The following KCND3 variants were observed in gnomAD, a reference collection of about 807,000 sequenced individuals.
KCND3 encodes the protein A-type voltage-gated potassium channel KCND3.
A neutral mutation model predicts 51.1 loss-of-function variants in KCND3; 9 were observed. The observed-to-expected ratio is 0.18, with a 90% CI of 0.11 to 0.31. KCND3 has a LOEUF of 0.31. Ranked by LOEUF, KCND3 falls within the 10% of genes least tolerant of loss-of-function variation. The pLI, the probability that KCND3 is intolerant of heterozygous loss-of-function variation, is 1.00. For missense variants in KCND3, 526 were observed against 903.8 expected, an observed-to-expected ratio of 0.58 and a Z score of 5.36; for synonymous variants, 349 against 368.0, an observed-to-expected ratio of 0.95 and a Z score of 0.59.
At chr1:111,831,543 T>G (rs1486353769) in intron 2 of KCND3, among the ~76,000 whole-genome samples, 5 of 152,228 alleles carry the variant, frequency 3.3e-5, no homozygotes, top group African/African-American at 1.2e-4. Context: ...CTCTTTTCTT[T>G]ATAAATTACC....
intron 2 of KCND3, among the ~76,000 whole-genome samples, chr1:111,967,178 A>G (rs1012427018): frequency 2.0e-5 from 3 of 151,466 alleles, no homozygotes; most frequent in African/African-American, 7.3e-5. Context: ...AAAACAAAAC[A>G]AAAACGGGGT....
chr1:111,816,278 C>T lies in KCND3; in HGVS notation c.1107-29172G>A, dbSNP rs565514430. On this transcript the variant is annotated intron_variant, in intron 2 of 7. Transcript: ENST00000302127. The stretch of plus-strand genomic sequence containing the variant: ...AGGCCTGGCCACATCTCTCCAGGAG[C>T]TGGAAATGTCAGACTTCAAAGGGTC... Among the ~76,000 whole-genome samples, 3 of 152,374 alleles carry T rather than the reference C, an allele frequency of 2.0e-5. No homozygotes were observed. In the East Asian group the frequency reaches 5.8e-4, roughly 29 times the overall value.
chr1:111,854,200 T>C (rs986079896), intron 2 of KCND3, among the ~76,000 whole-genome samples: 5 of 152,212 alleles, frequency 3.3e-5, no homozygotes, highest in African/African-American at 1.2e-4. Context: ...CAGCTGACTC[T>C]AGTTGGAAAC....
intron 2 of KCND3, among the ~76,000 whole-genome samples, chr1:111,820,397 C>T (rs1666291368): frequency 6.6e-6 from 1 of 152,234 alleles, no homozygotes; most frequent in African/African-American, 2.4e-5. Context: ...TATGCTACAT[C>T]ATCTTCTTGT....
At chr1:111,838,518 A>G (rs6679261) in intron 2 of KCND3, among the ~76,000 whole-genome samples, 6,966 of 152,050 alleles carry the variant, frequency 0.046, 433 homozygotes, top group East Asian at 0.13. Context: ...TTAGCCGGGC[A>G]TGGTGGCAGG....
Position 111,838,599 on chromosome 1 carries a change from G to C in KCND3, c.1107-51493C>G, listed in dbSNP as rs532228031. ...TTGAACCTGGGAGGCGGAGGTTGCA[G>C]TGAGCCGAGATCGCACCACTGCACT... On this transcript the variant is annotated intron_variant, in intron 2 of 7. Coordinates refer to ENST00000302127, the MANE Select transcript of KCND3 (RefSeq NM_001378969.1). Among the ~76,000 whole-genome samples, 8 of 152,270 alleles carry C rather than the reference G, an allele frequency of 5.3e-5. No homozygotes were observed. The East Asian group carries it at 1.5e-3, about 29-fold the overall frequency.
chr1:111,856,036 G>A (rs1244518222), intron 2 of KCND3, among the ~76,000 whole-genome samples: 3 of 152,168 alleles, frequency 2.0e-5, no homozygotes, highest in African/African-American at 4.8e-5. Flanking sequence ...CTCTTGCCAG[G>A]ACCCCCACTG....
In KCND3 at chr1:111,853,844, TTG is replaced by T. The variant is rs1479466324; in HGVS notation, c.1107-66740_1107-66739del. The T allele has an allele frequency of 1.3e-5, 2 of 152,226 alleles. 1 individual carries two copies. The highest frequency in any genetic ancestry group is 3.8e-4 in the East Asian group (2 of 5,200). 9.4% of individuals were successfully genotyped at this position (152,226 alleles called of 1,614,324 possible). On this transcript the variant is annotated intron_variant, in intron 2 of 7. Transcript: ENST00000302127. ...TGTAAAACACCACCTTTTTGAGTTTTTGTGAGGATTGCATGAGATGGCTTCTA... is the reference window on the plus strand; with the variant it reads ...TGTAAAACACCACCTTTTTGAGTTTTTGAGGATTGCATGAGATGGCTTCTA...
intron 2 of KCND3, among the ~76,000 whole-genome samples, chr1:111,920,271 G>C (rs887338968): frequency 5.9e-5 from 9 of 152,188 alleles, no homozygotes; most frequent in African/African-American, 2.2e-4. Context: ...CCATCTGCAC[G>C]TGAGTCCTGA....
intron 2 of KCND3, among the ~76,000 whole-genome samples, chr1:111,819,694 C>T (rs759859115): frequency 9.2e-5 from 14 of 152,164 alleles, no homozygotes; most frequent in Non-Finnish European, 1.9e-4. Context: ...CCTGTGAAAG[C>T]AGCTCACAGG....
At position 111,773,417 on chromosome 1, in the gene KCND3, T is replaced by A. The variant is rs558514988; in HGVS notation, c.*2660A>T. On this transcript the variant is annotated 3_prime_UTR_variant, in exon 8 of 8. Transcript: ENST00000302127. Reference sequence around the variant, plus strand: ...AGTTCTAATTTACCTCCTTTTTTTTTTTCTTTTCTTTTTTTTTTTTTTGAG... The same window carrying A: ...AGTTCTAATTTACCTCCTTTTTTTTATTCTTTTCTTTTTTTTTTTTTTGAG... The A allele has an allele frequency of 1.5e-5, 1 of 68,166 alleles. No individual in the cohort carries two copies. Among genetic ancestry groups the A allele is most frequent in the East Asian group, 5.7e-4 (1 of 1,756 alleles). 4.2% of individuals were successfully genotyped at this position (68,166 alleles called of 1,614,324 possible). A position where few individuals can be genotyped will look rare whatever the true frequency, so the allele number is the denominator to read the frequency against.
Sources: gnomAD v4.1 joint callset for allele counts (sites outside exome capture counted in the v4.1 genomes callset) on GRCh38, gnomAD v4.1.1 for gene constraint, MANE v1.5 for transcripts, NCBI Gene and HGNC (gene_info 2026-07-23, HGNC 2026-07-21) for gene names.